The following COTL1 variants were observed in gnomAD, a reference collection of about 807,000 sequenced individuals.
COTL1 encodes the protein coactosin like F-actin binding protein 1.
In COTL1, 15 loss-of-function variants were observed where a neutral mutation model predicts 16.5. That is an observed-to-expected ratio of 0.91 (90% confidence interval 0.61 to 1.40). The LOEUF is 1.40. Among genes scored for constraint, COTL1 ranks in the 40% most tolerant of loss-of-function variants. COTL1 has a pLI of 0.00. For synonymous variants in COTL1, 112 were observed against 85.3 expected, an observed-to-expected ratio of 1.31 and a Z score of -1.73; for missense variants, 220 against 201.5, an observed-to-expected ratio of 1.09 and a Z score of -0.56.
At chr16:84,593,046 G>C (rs1021507270) in intron 2 of COTL1, among the ~76,000 whole-genome samples, 1 of 152,252 alleles carries the variant, frequency 6.6e-6, no homozygotes, top group Non-Finnish European at 1.5e-5. Context: ...AGGCAGATGA[G>C]GTAGAGACGT....
At chr16:84,579,626 G>T (rs1904533903) in intron 3 of COTL1, among the ~76,000 whole-genome samples, 1 of 152,224 alleles carries the variant, frequency 6.6e-6, no homozygotes, top group African/African-American at 2.4e-5. Context: ...GGGGGGTAGT[G>T]GCTGATCACT....
At chr16:84,610,188 A>G (rs941258350) in intron 2 of COTL1, among the ~76,000 whole-genome samples, 6 of 152,184 alleles carry the variant, frequency 3.9e-5, no homozygotes, top group Admixed American at 3.3e-4. Flanking sequence ...TCCAGCCTGG[A>G]TTCTCCTCTC....
At chr16:84,592,668 G>A (rs921391319) in intron 2 of COTL1, among the ~76,000 whole-genome samples, 15 of 151,520 alleles carry the variant, frequency 9.9e-5, no homozygotes, top group South Asian at 4.2e-4. Flanking sequence ...AGTCCCGCAC[G>A]AAGCATGTAG....
At chr16:84,610,625 G>T (rs1211426006) in intron 2 of COTL1, among the ~76,000 whole-genome samples, 3 of 152,140 alleles carry the variant, frequency 2.0e-5, no homozygotes, top group African/African-American at 4.8e-5. Flanking sequence ...TGCTCTGATT[G>T]GACAGGTCTG....
At chr16:84,616,144 C>A (rs1905475565) in intron 2 of COTL1, 1 of 152,128 alleles carries the variant, frequency 6.6e-6, no homozygotes, top group Admixed American at 6.6e-5. Flanking sequence ...AAACCAAGAC[C>A]CCCAGAGATT....
chr16:84,602,215 G>A (rs1905116743), intron 2 of COTL1, among the ~76,000 whole-genome samples: 2 of 151,288 alleles, frequency 1.3e-5, no homozygotes, highest in African/African-American at 4.9e-5. Context: ...GGGTGGGGGG[G>A]GTGCCATTTT....
chr16:84,575,746 T>C (rs952307225), intron 3 of COTL1: 2 of 152,238 alleles, frequency 1.3e-5, no homozygotes, highest in African/African-American at 4.8e-5. Flanking sequence ...ACAGGCACCC[T>C]TGTCCACAGG....
chr16:84,601,457 C>A (rs1189098245), intron 2 of COTL1, among the ~76,000 whole-genome samples: 1 of 152,086 alleles, frequency 6.6e-6, no homozygotes, highest in Non-Finnish European at 1.5e-5. Context: ...TGATTAGGGT[C>A]TTTTTCTTTT....
chr16:84,607,244 G>A (rs968248469), intron 2 of COTL1, among the ~76,000 whole-genome samples: 4 of 152,176 alleles, frequency 2.6e-5, no homozygotes, highest in East Asian at 3.8e-4. Flanking sequence ...GGGCCTTGAC[G>A]GGTGTGTAGG....
intron 2 of COTL1, among the ~76,000 whole-genome samples, chr16:84,592,987 C>G (rs1454813908): frequency 6.6e-6 from 1 of 152,244 alleles, no homozygotes; most frequent in African/African-American, 2.4e-5. Context: ...TTTCAGTTTA[C>G]AAAACATGCT....
At chr16:84,616,421 T>C (rs989250287) in intron 2 of COTL1, 5 of 152,130 alleles carry the variant, frequency 3.3e-5, no homozygotes, top group African/African-American at 9.7e-5. Flanking sequence ...GAGAATCTCT[T>C]GAACCCGGGA....
rs573632787 is a variant in COTL1 at position 84,613,967 on chromosome 16, C to G, written c.160+3534G>C. Among the ~76,000 whole-genome samples the G allele has an allele frequency of 3.9e-5, 6 of 152,318 alleles. 1 individual carries two copies. The East Asian group carries it at 1.2e-3, about 29-fold the overall frequency. The stretch of plus-strand genomic sequence containing the variant: ...CCAAAATCACTGGCAAAGAGGCTTG[C>G]TCCGTCTTTCCACCAAGATGGCTCT... On this transcript the variant is annotated intron_variant, in intron 2 of 3. Coordinates refer to ENST00000262428, the MANE Select transcript of COTL1 (RefSeq NM_021149.5).
At chr16:84,612,717 A>G (rs1905360479) in intron 2 of COTL1, among the ~76,000 whole-genome samples, 1 of 152,116 alleles carries the variant, frequency 6.6e-6, no homozygotes, top group Non-Finnish European at 1.5e-5. Context: ...CGGGAGGCAG[A>G]GGCTGCACTC....
intron 2 of COTL1, among the ~76,000 whole-genome samples, chr16:84,616,776 C>G (rs189633630): frequency 6.6e-6 from 1 of 152,286 alleles, no homozygotes; most frequent in Admixed American, 6.5e-5. Context: ...CTAAGGCACA[C>G]AAATCTTAAG....
At chr16:84,583,411 G>A (rs1175601752) in intron 3 of COTL1, among the ~76,000 whole-genome samples, 4 of 152,074 alleles carry the variant, frequency 2.6e-5, no homozygotes, top group African/African-American at 9.7e-5. Flanking sequence ...GGCTAAATCT[G>A]GTCCCAGAAA....
chr16:84,571,670 G>A (rs760348005), intron 3 of COTL1, among the ~76,000 whole-genome samples: 3 of 152,152 alleles, frequency 2.0e-5, no homozygotes, highest in South Asian at 2.1e-4. Context: ...CCCTGGGATC[G>A]GCTCCCCGCT....
chr16:84,566,618 A>C lies in COTL1; in HGVS notation c.*227T>G. ...GAACAAAAAAGAGGGGGAGAAAAGA[A>C]AAAGAAGATCAAAGAAAGAGGTTCC... On this transcript the variant is annotated 3_prime_UTR_variant, in exon 4 of 4. Transcript: ENST00000262428. 2.0e-6 allele frequency: 1 copy of C among 490,470 alleles called. No homozygotes were observed. The highest frequency in any genetic ancestry group is 3.6e-6 in the Non-Finnish European group (1 of 276,444). The allele number at this position is 490,470 out of a possible 1,614,324, so 30.4% of individuals were successfully genotyped here.
chr16:84,585,868 G>A (rs1846751034), intron 3 of COTL1, among the ~76,000 whole-genome samples: 1 of 152,202 alleles, frequency 6.6e-6, no homozygotes, highest in African/African-American at 2.4e-5. Context: ...CAAAATATGA[G>A]CCTGCACCTG....
At chr16:84,589,432 C>A (rs1345147385) in intron 3 of COTL1, among the ~76,000 whole-genome samples, 7 of 152,154 alleles carry the variant, frequency 4.6e-5, no homozygotes. Flanking sequence ...TTTCTGGTCA[C>A]CTGAACAACA....
Sources: allele counts gnomAD v4.1 joint callset (sites outside exome capture counted in the v4.1 genomes callset), GRCh38; gene constraint gnomAD v4.1.1; transcripts MANE v1.5; gene names NCBI Gene and HGNC (gene_info 2026-07-23, HGNC 2026-07-21).